CPVL: variants seen among roughly 807,000 people sequenced by gnomAD.
The protein encoded by CPVL is carboxypeptidase vitellogenic like.
In CPVL, 51 loss-of-function variants were observed where a neutral mutation model predicts 63.7. The ratio of observed to expected loss-of-function variants is 0.80; its 90% confidence interval spans 0.64 to 1.01. The LOEUF (loss-of-function observed/expected upper bound fraction) is 1.01. CPVL is among the 50% of genes least tolerant of loss of function. CPVL has a pLI of 0.00. For missense variants in CPVL, 530 were observed against 573.1 expected, an observed-to-expected ratio of 0.92 and a Z score of 0.77; for synonymous variants, 195 against 206.0, an observed-to-expected ratio of 0.95 and a Z score of 0.46.
intron 9 of CPVL, among the ~76,000 whole-genome samples, chr7:29,071,251 C>T (rs1293914540): frequency 2.6e-5 from 4 of 152,150 alleles, no homozygotes; most frequent in Non-Finnish European, 4.4e-5. Flanking sequence ...AAAGGATATG[C>T]ACAAATACCA....
At chr7:29,024,933 G>A (rs893151103) in intron 12 of CPVL, among the ~76,000 whole-genome samples, 22 of 152,066 alleles carry the variant, frequency 1.4e-4, no homozygotes, top group Non-Finnish European at 3.1e-4. Context: ...ATGAGAAAGA[G>A]AAAAGATTCA....
chr7:29,107,339 T>G (rs980203499), intron 3 of CPVL, among the ~76,000 whole-genome samples: 3 of 152,178 alleles, frequency 2.0e-5, no homozygotes, highest in Non-Finnish European at 4.4e-5. Context: ...AGGCCACACG[T>G]TCAAGGGCTC....
intron 12 of CPVL, among the ~76,000 whole-genome samples, chr7:29,023,934 A>G (rs1383392554): frequency 2.6e-5 from 4 of 152,234 alleles, no homozygotes; most frequent in Admixed American, 2.6e-4. Flanking sequence ...CAAACATGAA[A>G]AAGCAAGGAA....
chr7:29,041,724 A>G (rs1789112193), intron 11 of CPVL, among the ~76,000 whole-genome samples: 1 of 152,222 alleles, frequency 6.6e-6, no homozygotes, highest in African/African-American at 2.4e-5. Context: ...ACATTCTTCA[A>G]TAAAGTGTAT....
At chr7:29,133,800 C>T (rs993255208) in intron 1 of CPVL, among the ~76,000 whole-genome samples, 4 of 152,092 alleles carry the variant, frequency 2.6e-5, no homozygotes, top group Non-Finnish European at 4.4e-5. Context: ...GGAAAGTGAA[C>T]AGATAGTTTG....
At chr7:29,099,290 C>T (rs1475840941) in intron 3 of CPVL, among the ~76,000 whole-genome samples, 7 of 152,052 alleles carry the variant, frequency 4.6e-5, no homozygotes, top group African/African-American at 1.4e-4. Flanking sequence ...GGAAAGTGGG[C>T]TGTGTGGTGG....
chr7:29,079,046 C>T (rs1784464521), intron 7 of CPVL, among the ~76,000 whole-genome samples: 1 of 152,150 alleles, frequency 6.6e-6, no homozygotes, highest in South Asian at 2.1e-4. Context: ...GACTTCAAGT[C>T]CTTATATCAC....
At chr7:29,071,709 A>ACCCCCCCCCCCC in intron 9 of CPVL, 64 bp downstream of exon 9, 1 of 472,930 alleles carries the variant, frequency 2.1e-6, no homozygotes, top group Non-Finnish European at 4.2e-6. Context: ...GTTCCTGCTC[A>ACCCCCCCCCCCC]CCCGCCCTCC....
At chr7:29,067,994 T>C (rs1783303916) in intron 9 of CPVL, among the ~76,000 whole-genome samples, 1 of 151,874 alleles carries the variant, frequency 6.6e-6, no homozygotes. Flanking sequence ...AGACTAATTA[T>C]TATATTCATA....
chr7:29,106,015 G>A lies in CPVL; in HGVS notation c.288+6689C>T, dbSNP rs1361897455. Among the ~76,000 whole-genome samples the A allele has an allele frequency of 3.3e-5, 5 of 152,330 alleles. No homozygotes were observed. The East Asian group carries it at 7.7e-4, about 23-fold the overall frequency. On this transcript the variant is annotated intron_variant, in intron 3 of 12. Transcript: ENST00000265394. ...GGAGGGGACCCTTCCCAAGGCTGCT[G>A]TCCAGACCTCGGTGGAGAAGGTATG... is the stretch of plus-strand genomic sequence containing the variant.
chr7:29,028,852 C>T (rs1787744005), intron 12 of CPVL, among the ~76,000 whole-genome samples: 1 of 151,516 alleles, frequency 6.6e-6, no homozygotes, highest in Non-Finnish European at 1.5e-5. Context: ...GTAGTCCCAG[C>T]TACTCGGAAG....
intron 5 of CPVL, among the ~76,000 whole-genome samples, chr7:29,163,385 AT>A (rs1795465015): frequency 6.6e-6 from 1 of 152,160 alleles, no homozygotes; most frequent in South Asian, 2.1e-4. Flanking sequence ...AACCTTAAAA[AT>A]GTTTAAAAAT....
intron 4 of CPVL, among the ~76,000 whole-genome samples, chr7:29,182,555 AT>A (rs1209113613): frequency 3.9e-5 from 6 of 152,212 alleles, no homozygotes; most frequent in Non-Finnish European, 7.3e-5. Flanking sequence ...CTCCTAGAGT[AT>A]TTTTATCCAA....
chr7:29,034,813 G>A (rs1274161697), intron 11 of CPVL, among the ~76,000 whole-genome samples: 1 of 146,838 alleles, frequency 6.8e-6, no homozygotes, highest in African/African-American at 2.6e-5. Context: ...GGGATTACAG[G>A]CATGAGCCAC....
intron 5 of CPVL, among the ~76,000 whole-genome samples, chr7:29,156,806 A>G (rs1271440502): frequency 1.0e-5 from 1 of 99,610 alleles, no homozygotes; most frequent in Non-Finnish European, 1.9e-5. Context: ...AAGAAGTCAT[A>G]ATTCTTTATC....
intron 5 of CPVL, among the ~76,000 whole-genome samples, chr7:29,167,558 A>T (rs933062056): frequency 9.9e-5 from 15 of 152,240 alleles, no homozygotes; most frequent in African/African-American, 3.6e-4. Flanking sequence ...CGAAGACTAT[A>T]TGAATTTTCA....
At chr7:29,124,193 T>C (rs983810541) in intron 1 of CPVL, among the ~76,000 whole-genome samples, 2 of 152,182 alleles carry the variant, frequency 1.3e-5, no homozygotes, top group African/African-American at 4.8e-5. Context: ...TGAGTCCTTT[T>C]ATTTATTGAA....
intron 2 of CPVL, among the ~76,000 whole-genome samples, chr7:29,119,101 C>T (rs1789074937): frequency 1.3e-5 from 2 of 152,234 alleles, no homozygotes; most frequent in Non-Finnish European, 2.9e-5. Context: ...AGAATAGCTA[C>T]CTGTCTACTG....
intron 6 of CPVL, among the ~76,000 whole-genome samples, chr7:29,088,764 C>G (rs1785468843): frequency 6.6e-6 from 1 of 152,104 alleles, no homozygotes; most frequent in Non-Finnish European, 1.5e-5. Context: ...ATCACGAGGT[C>G]AAGAGATTGA....
Sources: allele counts gnomAD v4.1 joint callset (sites outside exome capture counted in the v4.1 genomes callset), GRCh38; gene constraint gnomAD v4.1.1; transcripts MANE v1.5; gene names NCBI Gene and HGNC (gene_info 2026-07-23, HGNC 2026-07-21).